The following NETO1 variants were observed in gnomAD, a reference collection of about 807,000 sequenced individuals.
The protein encoded by NETO1 is neuropilin and tolloid-like protein 1.
A neutral mutation model predicts 61.3 loss-of-function variants in NETO1; 26 were observed. The ratio of observed to expected loss-of-function variants is 0.42; its 90% confidence interval spans 0.31 to 0.59. The LOEUF (loss-of-function observed/expected upper bound fraction) is 0.59. Among genes scored for constraint, NETO1 ranks in the 20% least tolerant of loss-of-function variants. The pLI is 0.12. For missense variants in NETO1, 531 were observed against 662.8 expected, an observed-to-expected ratio of 0.80 and a Z score of 2.18; for synonymous variants, 225 against 225.8, an observed-to-expected ratio of 1.00 and a Z score of 0.03.
chr18:72,862,522 C>G (rs1331964449), intron 3 of NETO1, among the ~76,000 whole-genome samples: 1 of 152,128 alleles, frequency 6.6e-6, no homozygotes, highest in Admixed American at 6.5e-5. Context: ...GATGGCAATT[C>G]CGTCTATCTA....
chr18:72,843,511 C>T (rs770376432), intron 4 of NETO1, among the ~76,000 whole-genome samples: 4 of 151,996 alleles, frequency 2.6e-5, no homozygotes, highest in Non-Finnish European at 5.9e-5. Context: ...GGAAGCATGA[C>T]AAAGTTATAC....
rs188739937 is a variant in NETO1, at chr18:72,842,336, C to A, written c.469+16490G>T. ...ATGACAACAAAGAATATTATTGTTACGAGTTTCGAATAAACTCATGGGATA... is the reference window on the plus strand; with the variant it reads ...ATGACAACAAAGAATATTATTGTTAAGAGTTTCGAATAAACTCATGGGATA... On this transcript the variant is annotated intron_variant, in intron 4 of 10. Transcript: ENST00000327305. Among the ~76,000 whole-genome samples the A allele has an allele frequency of 2.0e-3, 298 of 152,092 alleles. 1 individual carries two copies. The highest frequency in any genetic ancestry group is 3.4e-3 in the Middle Eastern group (1 of 294).
At chr18:72,793,975 T>C (rs1389690321) in intron 6 of NETO1, 142 bp downstream of exon 6, 3 of 1,022,844 alleles carry the variant, frequency 2.9e-6, no homozygotes, top group Non-Finnish European at 4.4e-6. Flanking sequence ...ACAAGTTACA[T>C]CTCAAAAACC....
intron 6 of NETO1, among the ~76,000 whole-genome samples, chr18:72,785,045 C>G (rs1568197901): frequency 6.6e-6 from 1 of 152,196 alleles, no homozygotes; most frequent in Non-Finnish European, 1.5e-5. Flanking sequence ...AAAGACACAT[C>G]TTTCATACAG....
intron 7 of NETO1, among the ~76,000 whole-genome samples, chr18:72,769,019 G>C (rs78379307): frequency 0.15 from 22,533 of 152,212 alleles, 2,312 homozygotes; most frequent in Admixed American, 0.29. Flanking sequence ...AGTGGCCGTC[G>C]CTGTACAGCG....
rs2073796993 is a variant in NETO1, at chr18:72,837,736, T to C, written c.469+21090A>G. 2.6e-5 allele frequency among the ~76,000 whole-genome samples: 4 copies of C among 152,210 alleles called. No homozygotes were observed. In the South Asian group the frequency reaches 6.2e-4, roughly 24 times the overall value. On this transcript the variant is annotated intron_variant, in intron 4 of 10. Transcript: ENST00000327305. ...TGCTCTGGCTAATGTAGAATTTCCTTTTCCTTGTCCTTGAATGAGAGCTTG... is the reference window on the plus strand; with the variant it reads ...TGCTCTGGCTAATGTAGAATTTCCTCTTCCTTGTCCTTGAATGAGAGCTTG...
intron 4 of NETO1, among the ~76,000 whole-genome samples, chr18:72,822,373 C>T (rs6566661): frequency 0.1 from 15,935 of 152,106 alleles, 2,029 homozygotes; most frequent in African/African-American, 0.3. Context: ...GGGCACTGGG[C>T]GGCACCATGC....
chr18:72,805,053 A>T (rs1283272988), intron 4 of NETO1, among the ~76,000 whole-genome samples: 1 of 152,236 alleles, frequency 6.6e-6, no homozygotes, highest in Non-Finnish European at 1.5e-5. Flanking sequence ...AATGATAAGT[A>T]AAATGTGGAA....
In NETO1 at chr18:72,746,074, T is replaced by C. The variant is rs534496933; in HGVS notation, c.*2105A>G. The C allele has an allele frequency of 3.3e-5, 5 of 152,284 alleles. No homozygotes were observed. In the East Asian group the frequency reaches 7.7e-4, roughly 24 times the overall value. The allele number at this position is 152,284 out of a possible 1,614,324, so 9.4% of individuals were successfully genotyped here. A position where few individuals can be genotyped will look rare whatever the true frequency, so the allele number is the denominator to read the frequency against. ...TTAAGCAGGGAATCAGCATTCTGTA[T>C]ATTCAGGAGAAACTGGAGGGGACGG... On this transcript the variant is annotated 3_prime_UTR_variant, in exon 11 of 11. Transcript: ENST00000327305.
At chr18:72,867,204 G>T in intron 1 of NETO1, 60 bp downstream of exon 1, 1 of 1,347,808 alleles carries the variant, frequency 7.4e-7, no homozygotes, top group East Asian at 2.7e-5. Flanking sequence ...GTTCGGCCCC[G>T]GGAAAGGGGC....
At chr18:72,834,273 C>T in intron 4 of NETO1, 1 of 799,894 alleles carries the variant, frequency 1.3e-6, no homozygotes, top group Non-Finnish European at 1.5e-6. Flanking sequence ...ATTGACTATC[C>T]CTACAATAAT....
At chr18:72,779,708 T>C (rs1437616277) in intron 7 of NETO1, among the ~76,000 whole-genome samples, 1 of 152,204 alleles carries the variant, frequency 6.6e-6, no homozygotes, top group Non-Finnish European at 1.5e-5. Context: ...AATGGTAGAA[T>C]TCTGCATAAT....
chr18:72,822,589 C>G (rs2073236010), intron 4 of NETO1, among the ~76,000 whole-genome samples: 1 of 152,192 alleles, frequency 6.6e-6, no homozygotes, highest in African/African-American at 2.4e-5. Flanking sequence ...TACCGCCAAG[C>G]AAAATCGTGA....
intron 4 of NETO1, among the ~76,000 whole-genome samples, chr18:72,812,388 C>G (rs181461729): frequency 6.6e-6 from 1 of 152,078 alleles, no homozygotes; most frequent in African/African-American, 2.4e-5. Context: ...AGGACCAACA[C>G]GTCCAAAATT....
At chr18:72,786,277 C>T (rs1256370147) in intron 6 of NETO1, among the ~76,000 whole-genome samples, 2 of 151,996 alleles carry the variant, frequency 1.3e-5, no homozygotes, top group African/African-American at 2.4e-5. Context: ...TAAATTATGA[C>T]ATAAAAGGAC....
chr18:72,751,394 C>T (rs2070610981), intron 8 of NETO1, among the ~76,000 whole-genome samples: 1 of 152,204 alleles, frequency 6.6e-6, no homozygotes. Context: ...GGGAACCCTA[C>T]TCAGGGAGGT....
At chr18:72,783,097 T>C (rs963459294) in intron 7 of NETO1, among the ~76,000 whole-genome samples, 8 of 152,232 alleles carry the variant, frequency 5.3e-5, no homozygotes, top group Non-Finnish European at 1.0e-4. Flanking sequence ...GTATGAATCA[T>C]TATTTATTAG....
intron 7 of NETO1, among the ~76,000 whole-genome samples, chr18:72,777,155 T>A (rs527951547): frequency 6.6e-6 from 1 of 152,194 alleles, no homozygotes; most frequent in Non-Finnish European, 1.5e-5. Flanking sequence ...CAGTGGCTCA[T>A]GCCTGTAATC....
chr18:72,836,855 A>C (rs886556511), intron 4 of NETO1, among the ~76,000 whole-genome samples: 1 of 152,188 alleles, frequency 6.6e-6, no homozygotes, highest in Non-Finnish European at 1.5e-5. Context: ...AATAGAAAAG[A>C]TGTTTGAAAG....
Sources: gnomAD v4.1 joint callset for allele counts (sites outside exome capture counted in the v4.1 genomes callset) on GRCh38, gnomAD v4.1.1 for gene constraint, MANE v1.5 for transcripts, NCBI Gene and HGNC (gene_info 2026-07-23, HGNC 2026-07-21) for gene names.